PPP2R2C: variants seen among roughly 807,000 people sequenced by gnomAD.
PPP2R2C encodes the protein protein phosphatase 2, regulatory subunit B, gamma.
PPP2R2C carries 10 observed loss-of-function variants against 45.3 expected under a neutral mutation model. The ratio of observed to expected loss-of-function variants is 0.22; its 90% CI spans 0.14 to 0.37. PPP2R2C has a LOEUF of 0.37. PPP2R2C is among the 10% of genes least tolerant of loss of function. The probability of loss-of-function intolerance (pLI) is 1.00; values close to 1 mark genes in which losing one functional copy is unlikely to be tolerated. For missense variants in PPP2R2C, 308 were observed against 619.7 expected (o/e 0.50, Z 5.34); for synonymous variants, 257 against 245.4 (o/e 1.05, Z -0.44).
chr4:6,543,100 C>T (rs1724859436), intron 1 of PPP2R2C, among the ~76,000 whole-genome samples: 1 of 152,186 alleles, frequency 6.6e-6, no homozygotes, highest in African/African-American at 2.4e-5. Flanking sequence ...TGTCAGGAGA[C>T]ACCTGCAGGG....
At chr4:6,504,361 T>A (rs1577225444) in intron 2 of PPP2R2C, among the ~76,000 whole-genome samples, 1 of 151,932 alleles carries the variant, frequency 6.6e-6, no homozygotes, top group Admixed American at 6.6e-5. Flanking sequence ...CTCTTGGGAG[T>A]AACATAATAG....
intron 4 of PPP2R2C, among the ~76,000 whole-genome samples, chr4:6,373,515 A>AG (rs1412737561): frequency 6.6e-6 from 1 of 152,170 alleles, no homozygotes; most frequent in African/African-American, 2.4e-5. Flanking sequence ...CAGCTTTCCC[A>AG]GTGGACTAGG....
intron 1 of PPP2R2C, among the ~76,000 whole-genome samples, chr4:6,416,357 C>T (rs899897953): frequency 6.6e-6 from 1 of 152,302 alleles, no homozygotes; most frequent in South Asian, 2.1e-4. Flanking sequence ...AGCCAGGATT[C>T]GAACCCAGGT....
In PPP2R2C at chr4:6,328,335, G is replaced by A. The variant is rs901232082; in HGVS notation, c.1052+927C>T. On this transcript the variant is annotated intron_variant, in intron 8 of 8. Coordinates refer to ENST00000382599, the MANE Select transcript of PPP2R2C (RefSeq NM_020416.4). This position sits in a 1 kb window ranked among gnomAD's most constrained non-coding sequence, Gnocchi z 4.4. ...ATCTGGAGACCCACTTCTGAATCTG[G>A]GCGGCTGGACAAAGAGGCATCCTGT... 1.3e-5 allele frequency among the ~76,000 whole-genome samples: 2 copies of A among 152,184 alleles called. No homozygotes were observed.
At chr4:6,477,895 T>C (rs4234744) in intron 2 of PPP2R2C, among the ~76,000 whole-genome samples, 147,163 of 152,094 alleles carry the variant, frequency 0.97, 71,396 homozygotes, top group East Asian at 1. Context: ...TTCCCCTCCT[T>C]GAGCCAGCCT....
intron 8 of PPP2R2C, among the ~76,000 whole-genome samples, chr4:6,327,103 C>CCTTCTAG (rs1311880117): frequency 6.6e-6 from 1 of 152,208 alleles, no homozygotes; most frequent in Non-Finnish European, 1.5e-5. Context: ...TGGGAGGTGG[C>CCTTCTAG]ACACCTCTAT....
At chr4:6,402,567 G>A (rs1717488395) in intron 1 of PPP2R2C, among the ~76,000 whole-genome samples, 1 of 152,108 alleles carries the variant, frequency 6.6e-6, no homozygotes, top group African/African-American at 2.4e-5. Context: ...CATGTCCTAT[G>A]GGACCGCGCT....
intron 5 of PPP2R2C, among the ~76,000 whole-genome samples, chr4:6,357,649 G>C (rs1228171339): frequency 6.6e-6 from 1 of 152,164 alleles, no homozygotes; most frequent in Admixed American, 6.5e-5. Context: ...ATGTCAGATG[G>C]AGCAAGTGCA....
At chr4:6,376,002 G>T (rs1715271255) in intron 3 of PPP2R2C, 71 bp from the exon 4 acceptor site, 10 of 1,338,852 alleles carry the variant, frequency 7.5e-6, no homozygotes, top group South Asian at 2.5e-5. Context: ...ATCCACTTTA[G>T]AAGGTGAAAT....
At position 6,489,439 on chromosome 4, in the gene PPP2R2C, G is replaced by A. The variant is rs73207877; in HGVS notation, c.49+45832C>T. On this transcript the variant is annotated intron_variant, in intron 2 of 9. Coordinates refer to the PPP2R2C transcript ENST00000506140. Reference sequence around the variant, plus strand: ...CTCCTATTCCTCCTCATGCAGAGATGGGATTCCCAGCATAGCCCTCTCCAA... The same window carrying A: ...CTCCTATTCCTCCTCATGCAGAGATAGGATTCCCAGCATAGCCCTCTCCAA... Among the ~76,000 whole-genome samples, 1,226 of 152,206 alleles carry A rather than the reference G, an allele frequency of 8.1e-3. 5 individuals carry two copies. The highest frequency in any genetic ancestry group is 0.013 in the Non-Finnish European group (851 of 68,012).
At chr4:6,392,369 G>T (rs79074151) in intron 1 of PPP2R2C, among the ~76,000 whole-genome samples, 4,521 of 150,012 alleles carry the variant, frequency 0.03, 134 homozygotes, top group East Asian at 0.11. Flanking sequence ...AAATTTTCAT[G>T]TCAATAAATA....
intron 2 of PPP2R2C, among the ~76,000 whole-genome samples, chr4:6,493,309 AC>A (rs1169809143): frequency 6.6e-6 from 1 of 151,564 alleles, no homozygotes; most frequent in African/African-American, 2.4e-5. Context: ...GTTTATCAGG[AC>A]TATTGTCTGT....
At chr4:6,529,415 C>T (rs910506160) in intron 2 of PPP2R2C, among the ~76,000 whole-genome samples, 5 of 152,244 alleles carry the variant, frequency 3.3e-5, no homozygotes, top group Admixed American at 6.5e-5. Flanking sequence ...ATAGTCAATG[C>T]GTGCACACCA....
At chr4:6,490,199 C>T (rs780752532) in intron 2 of PPP2R2C, among the ~76,000 whole-genome samples, 1 of 152,232 alleles carries the variant, frequency 6.6e-6, no homozygotes, top group Non-Finnish European at 1.5e-5. Context: ...GTCAGGAAAA[C>T]AAGACTCCAA....
intron 2 of PPP2R2C, among the ~76,000 whole-genome samples, chr4:6,526,450 G>A (rs992534130): frequency 1.3e-5 from 2 of 152,224 alleles, no homozygotes; most frequent in Non-Finnish European, 2.9e-5. Flanking sequence ...TTGGGGTGAT[G>A]AAAATGTTCT....
chr4:6,444,346 A>G (rs1475249112), intron 1 of PPP2R2C, among the ~76,000 whole-genome samples: 3 of 152,094 alleles, frequency 2.0e-5, no homozygotes, highest in Non-Finnish European at 4.4e-5. Context: ...AGGCACCGTG[A>G]CCACTGTTTT....
intron 1 of PPP2R2C, among the ~76,000 whole-genome samples, chr4:6,400,882 G>A (rs144296230): frequency 8.3e-4 from 126 of 152,280 alleles, no homozygotes; most frequent in African/African-American, 2.8e-3. Context: ...CCTCGCTTCC[G>A]CTCATGCAGT....
intron 5 of PPP2R2C, among the ~76,000 whole-genome samples, chr4:6,354,129 C>T (rs1292699362): frequency 6.6e-6 from 1 of 151,060 alleles, no homozygotes; most frequent in Non-Finnish European, 1.5e-5. Context: ...AGGCCATCAG[C>T]ATCTCTGTCC....
intron 6 of PPP2R2C, among the ~76,000 whole-genome samples, chr4:6,347,348 C>A (rs1354466495): frequency 6.6e-6 from 1 of 152,078 alleles, no homozygotes; most frequent in Non-Finnish European, 1.5e-5. Flanking sequence ...CCCTGTGGGA[C>A]CCCCACAGCA....
Sources: allele counts gnomAD v4.1 joint callset (sites outside exome capture counted in the v4.1 genomes callset), GRCh38; gene constraint gnomAD v4.1.1; non-coding constraint Gnocchi (gnomAD v3.1); transcripts MANE v1.5; gene names NCBI Gene and HGNC (gene_info 2026-07-23, HGNC 2026-07-21).